The following TRAF3IP2 variants were observed in gnomAD, a reference collection of about 807,000 sequenced individuals.
The protein encoded by TRAF3IP2 is TRAF3 interacting protein 2.
TRAF3IP2 carries 35 observed loss-of-function variants against 57.9 expected under a neutral mutation model. The observed-to-expected ratio is 0.60, with a 90% CI of 0.46 to 0.80. The LOEUF (loss-of-function observed/expected upper bound fraction) is 0.80. TRAF3IP2 is among the 30% of genes least tolerant of loss of function. The pLI, the probability that TRAF3IP2 is intolerant of heterozygous loss-of-function variation, is 0.00. For missense variants in TRAF3IP2, 556 were observed against 706.4 expected, an observed-to-expected ratio of 0.79 and a Z score of 2.41; for synonymous variants, 251 against 268.9, an observed-to-expected ratio of 0.93 and a Z score of 0.65.
intron 4 of TRAF3IP2, chr6:111,573,393 C>G (rs1325975771): frequency 1.3e-5 from 2 of 159,828 alleles, no homozygotes; most frequent in African/African-American, 2.4e-5. Flanking sequence ...AAGGGACCAC[C>G]CAGCAGTGTC....
chr6:111,566,542 C>T lies in TRAF3IP2; in HGVS notation c.1378G>A (p.Val460Ile), dbSNP rs775776262. The change falls in exon 7 of 9, where the codon GTA (valine) becomes ATA (isoleucine). Residue 460 changes from valine to isoleucine, a missense_variant. Coordinates refer to ENST00000368761, the MANE Select transcript of TRAF3IP2 (RefSeq NM_147686.4). ...TGTTTGTATTTGGGGCTGATTGCTA[C>T]GATTATCATCACGGTCTTCTGTTAA... Reference protein sequence around the residue: ...YLRDKTVMIIVAISPKYKQDV... With the variant: ...YLRDKTVMIIIAISPKYKQDV... 3.4e-5 allele frequency: 55 copies of T among 1,613,954 alleles called. No homozygotes were observed. In the East Asian group the frequency reaches 4.5e-4, roughly 13 times the overall value.
chr6:111,572,784 C>T, intron 5 of TRAF3IP2, 111 bp downstream of exon 5: 1 of 834,014 alleles, frequency 1.2e-6, no homozygotes, highest in Admixed American at 2.1e-5. Flanking sequence ...TCACATAAAT[C>T]AAATAATATC....
chr6:111,567,651 A>G lies in TRAF3IP2; in HGVS notation c.1332T>C (p.Ile444=), dbSNP rs1279834873. The change falls in exon 6 of 9, where the codon ATT becomes ATC. Residue 444 remains isoleucine (I), a synonymous_variant. Transcript: ENST00000368761. ...CCCTAAGGTAGCGCTCCATCCATTTAATGATATCAATGCCTCGGATTCTAT... is the reference window on the plus strand; with the variant it reads ...CCCTAAGGTAGCGCTCCATCCATTTGATGATATCAATGCCTCGGATTCTAT... ...FEDRIRGIDI[I]KWMERYLRDK... 2 of 1,610,352 alleles carry G rather than the reference A, an allele frequency of 1.2e-6. No individual in the cohort carries two copies. The highest frequency in any genetic ancestry group is 1.7e-6 in the Non-Finnish European group (2 of 1,178,680).
At chr6:111,570,953 T>A (rs1398568400) in intron 5 of TRAF3IP2, among the ~76,000 whole-genome samples, 3 of 151,888 alleles carry the variant, frequency 2.0e-5, no homozygotes, top group Admixed American at 6.6e-5. Context: ...CCAGGCTGGA[T>A]TGGAGTGCAG....
intron 1 of TRAF3IP2, among the ~76,000 whole-genome samples, chr6:111,597,492 A>T (rs1165375034): frequency 6.6e-6 from 1 of 152,232 alleles, no homozygotes; most frequent in East Asian, 1.9e-4. Context: ...CTCCTGAGGC[A>T]GTCATAGAGA....
rs564723096 is a variant in TRAF3IP2, at chr6:111,559,243, G to C, written c.*162C>G. On this transcript the variant is annotated 3_prime_UTR_variant, in exon 9 of 9. Transcript: ENST00000368761. ...AAAGCCAGGGTGTGTGGAGGTCTCC[G>C]GGGAAGAGCTCTGCACAACAGGTTT... is the stretch of plus-strand genomic sequence containing the variant. 3.3e-6 allele frequency: 3 copies of C among 922,156 alleles called. No homozygotes were observed. Among genetic ancestry groups the C allele is most frequent in the African/African-American group, 1.7e-5 (1 of 60,470 alleles). The allele number at this position is 922,156 out of a possible 1,614,324, so 57.1% of individuals were successfully genotyped here.
intron 1 of TRAF3IP2, chr6:111,598,069 G>C (rs1197305907): frequency 2.8e-6 from 1 of 362,488 alleles, no homozygotes; most frequent in Non-Finnish European, 5.4e-6. Flanking sequence ...GGGGGAGAGC[G>C]GGGCTGGAGG....
rs533426803 is a variant in TRAF3IP2, at chr6:111,583,005, C to T, written c.830-2616G>A. Among the ~76,000 whole-genome samples the T allele has an allele frequency of 6.8e-4, 103 of 152,330 alleles. No individual in the cohort carries two copies. The South Asian group carries it at 7.0e-3, about 10-fold the overall frequency. ...AATATCACCTGTCCAAAGAGTCCTG[C>T]CTCTTCACCCAGTTACTTTATCCCA... On this transcript the variant is annotated intron_variant, in intron 2 of 8. Transcript: ENST00000368761.
At chr6:111,566,304 T>C in intron 7 of TRAF3IP2, 140 bp downstream of exon 7, 1 of 697,550 alleles carries the variant, frequency 1.4e-6, no homozygotes, top group South Asian at 1.8e-5. Context: ...CAACAGCTCC[T>C]CTCCTGACAT....
intron 1 of TRAF3IP2, among the ~76,000 whole-genome samples, chr6:111,603,176 G>C (rs1405234553): frequency 1.3e-5 from 2 of 152,176 alleles, no homozygotes; most frequent in African/African-American, 4.8e-5. Flanking sequence ...TGTGCTTCTA[G>C]GAGGCCTGCT....
At chr6:111,572,832 C>T (rs914323470) in intron 5 of TRAF3IP2, 63 bp downstream of exon 5, 5 of 1,292,472 alleles carry the variant, frequency 3.9e-6, no homozygotes, top group African/African-American at 2.9e-5. Context: ...TTTTCTTCTG[C>T]TGCTTTTCTC....
intron 6 of TRAF3IP2, 46 bp downstream of exon 6, chr6:111,567,578 G>A: frequency 6.4e-7 from 1 of 1,567,078 alleles, no homozygotes. Flanking sequence ...TAAGCTCATT[G>A]TCTTTCTCAC....
intron 3 of TRAF3IP2, among the ~76,000 whole-genome samples, chr6:111,578,932 A>G (rs1296107633): frequency 6.6e-6 from 1 of 152,184 alleles, no homozygotes; most frequent in Non-Finnish European, 1.5e-5. Flanking sequence ...CTTTCTTCCA[A>G]ATATTGTCAT....
chr6:111,562,844 C>CA (rs931683636), intron 8 of TRAF3IP2, 121 bp downstream of exon 8: 30,657 of 590,478 alleles, frequency 0.052, 12 homozygotes, highest in African/African-American at 0.076. Context: ...GACTCCATCT[C>CA]AAAAAAAAAA....
chr6:111,587,132 A>C (rs1370383859), intron 2 of TRAF3IP2: 1 of 152,184 alleles, frequency 6.6e-6, no homozygotes, highest in Non-Finnish European at 1.5e-5. Flanking sequence ...GGGACATGCA[A>C]GGTGAATTGG....
chr6:111,591,404 G>C lies in TRAF3IP2; in HGVS notation c.683C>G (p.Pro228Arg), dbSNP rs761061949. 2 of 1,558,342 alleles carry C rather than the reference G, an allele frequency of 1.3e-6. No homozygotes were observed. The highest frequency in any genetic ancestry group is 4.5e-5 in the East Asian group (2 of 44,446). ...LTSVCYPQDL[P>R]RPLRSREFPQ... ...GAACTCCCTGGACCTGAGAGGTCTGGGGAGGTCCTGGGGGTAACACACGGA... is the reference window on the plus strand; with the variant it reads ...GAACTCCCTGGACCTGAGAGGTCTGCGGAGGTCCTGGGGGTAACACACGGA... Residue 228 changes from proline (P) to arginine (R), a missense_variant, in exon 2 of 9, where the codon CCC becomes CGC. By Grantham distance (103) the Pro-to-Arg change is moderately radical. Transcript: ENST00000368761. This position sits in a 1 kb window ranked among gnomAD's most constrained non-coding sequence, Gnocchi z 4.9.
chr6:111,556,725 T>G lies in TRAF3IP2; in HGVS notation c.*2680A>C, dbSNP rs41289894. 1 of 151,716 alleles carries G rather than the reference T, an allele frequency of 6.6e-6. No individual in the cohort carries two copies. Among genetic ancestry groups the G allele is most frequent in the East Asian group, 1.9e-4 (1 of 5,200 alleles). 9.4% of individuals were successfully genotyped at this position (151,716 alleles called of 1,614,324 possible). A position where few individuals can be genotyped will look rare whatever the true frequency, so the allele number is the denominator to read the frequency against. ...GAACAAAGACATTCGTCTCACCCAG[T>G]AGACATCTAAGTTATAAAGTAAATG... On this transcript the variant is annotated 3_prime_UTR_variant, in exon 9 of 9. Coordinates refer to ENST00000368761, the MANE Select transcript of TRAF3IP2 (RefSeq NM_147686.4).
At chr6:111,590,148 C>G (rs1174047294) in intron 2 of TRAF3IP2, among the ~76,000 whole-genome samples, 1 of 152,212 alleles carries the variant, frequency 6.6e-6, no homozygotes, top group African/African-American at 2.4e-5. Flanking sequence ...TTCAGAGATG[C>G]TTCCTGCACT....
Position 111,585,695 on chromosome 6 carries a change from C to T in TRAF3IP2, c.830-5306G>A, listed in dbSNP as rs556177119. ...CCTGCGGACTTGTCCCCAATGCCTA[C>T]AGTTCCATCAAGAGAGTTAATTCTG... On this transcript the variant is annotated intron_variant, in intron 2 of 8. Transcript: ENST00000368761. Among the ~76,000 whole-genome samples the T allele has an allele frequency of 5.9e-5, 9 of 152,326 alleles. No homozygotes were observed. The South Asian group carries it at 1.2e-3, about 21-fold the overall frequency.
Sources: gnomAD v4.1 joint callset for allele counts (sites outside exome capture counted in the v4.1 genomes callset) on GRCh38, gnomAD v4.1.1 for gene constraint, Gnocchi (gnomAD v3.1) non-coding constraint, MANE v1.5 for transcripts, NCBI Gene and HGNC (gene_info 2026-07-23, HGNC 2026-07-21) for gene names.